The following VWA8 variants were observed in gnomAD, a reference collection of about 807,000 sequenced individuals.
VWA8 encodes the protein von Willebrand factor A domain-containing protein 8.
A neutral mutation model predicts 241.5 loss-of-function variants in VWA8; 221 were observed. The observed-to-expected ratio is 0.91, with a 90% CI of 0.82 to 1.02. VWA8 has a LOEUF of 1.02. Among genes scored for constraint, VWA8 ranks in the 50% least tolerant of loss-of-function variants. The pLI is 0.00. For synonymous variants in VWA8, 852 were observed against 827.1 expected (o/e 1.03, Z -0.52); for missense variants, 2,322 against 2,328.7 (o/e 1.00, Z 0.06).
chr13:41,642,326 G>A (rs989785035), intron 37 of VWA8, among the ~76,000 whole-genome samples: 1 of 152,150 alleles, frequency 6.6e-6, no homozygotes, highest in Non-Finnish European at 1.5e-5. Flanking sequence ...TTGGAATGCT[G>A]AGGCAGGCAG....
intron 21 of VWA8, among the ~76,000 whole-genome samples, chr13:41,755,599 A>G (rs2045689053): frequency 6.6e-6 from 1 of 151,958 alleles, no homozygotes; most frequent in Non-Finnish European, 1.5e-5. Context: ...AGCAGCATGC[A>G]ACTCTTTACA....
intron 36 of VWA8, among the ~76,000 whole-genome samples, chr13:41,672,066 A>C (rs891618766): frequency 6.6e-6 from 1 of 152,136 alleles, no homozygotes. Context: ...GGAAGAAAGG[A>C]ACCCTATACC....
At chr13:41,704,529 T>C (rs1052207962) in intron 26 of VWA8, among the ~76,000 whole-genome samples, 1 of 151,532 alleles carries the variant, frequency 6.6e-6, no homozygotes, top group Non-Finnish European at 1.5e-5. Flanking sequence ...AGTAGGGCAA[T>C]CACAGCTCAC....
At chr13:41,802,176 G>A (rs1204759911) in intron 17 of VWA8, among the ~76,000 whole-genome samples, 3 of 152,204 alleles carry the variant, frequency 2.0e-5, no homozygotes, top group African/African-American at 7.2e-5. Flanking sequence ...ATCCCCTAGT[G>A]GTGCTACATA....
At chr13:41,950,713 G>A (rs1182937167) in intron 1 of VWA8, among the ~76,000 whole-genome samples, 1 of 138,410 alleles carries the variant, frequency 7.2e-6, no homozygotes, top group East Asian at 2.2e-4. Context: ...CTGCCACCCA[G>A]GCTGGAGTGC....
chr13:41,700,621 C>A (rs1009973736), intron 28 of VWA8, among the ~76,000 whole-genome samples: 1 of 152,180 alleles, frequency 6.6e-6, no homozygotes, highest in Non-Finnish European at 1.5e-5. Flanking sequence ...GCATTAAATG[C>A]AGTTCAGTCT....
At chr13:41,814,760 A>G (rs1870616309) in intron 16 of VWA8, among the ~76,000 whole-genome samples, 2 of 152,188 alleles carry the variant, frequency 1.3e-5, no homozygotes, top group Admixed American at 6.5e-5. Flanking sequence ...TGTTCTCTGT[A>G]GTATTGCCAA....
chr13:41,930,405 A>G (rs566191606), intron 2 of VWA8, among the ~76,000 whole-genome samples: 1 of 152,350 alleles, frequency 6.6e-6, no homozygotes, highest in South Asian at 2.1e-4. Context: ...TCATAAAGAT[A>G]TCTGTACTCC....
chr13:41,956,158 G>A (rs1351291431), intron 1 of VWA8, among the ~76,000 whole-genome samples: 1 of 152,110 alleles, frequency 6.6e-6, no homozygotes, highest in Non-Finnish European at 1.5e-5. Flanking sequence ...TTGTTGTGAG[G>A]GGCTGTCCTG....
rs146370335 is a variant in VWA8, at chr13:41,614,499, T to G, written c.4720+477A>C. Among the ~76,000 whole-genome samples the G allele has an allele frequency of 6.0e-4, 92 of 152,280 alleles. No individual in the cohort carries two copies. In the East Asian group the frequency reaches 8.7e-3, roughly 14 times the overall value. On this transcript the variant is annotated intron_variant, in intron 38 of 44. Coordinates refer to ENST00000379310, the MANE Select transcript of VWA8 (RefSeq NM_015058.2). ...CGAAATCTTGCATCCTCAACGTACT[T>G]CGAAGATGTGGAAGACAAGGACCAT...
chr13:41,743,423 C>A (rs2045582837), intron 21 of VWA8, among the ~76,000 whole-genome samples: 1 of 152,182 alleles, frequency 6.6e-6, no homozygotes, highest in South Asian at 2.1e-4. Context: ...AGTCCTATTC[C>A]AAACTGTCAC....
At chr13:41,792,847 A>T (rs1156771912) in intron 17 of VWA8, among the ~76,000 whole-genome samples, 3 of 152,094 alleles carry the variant, frequency 2.0e-5, no homozygotes, top group African/African-American at 4.8e-5. Context: ...TGAAATTTTT[A>T]AAAATTATAT....
chr13:41,731,018 T>A (rs997458575), intron 22 of VWA8, among the ~76,000 whole-genome samples: 1 of 147,174 alleles, frequency 6.8e-6, no homozygotes, highest in Non-Finnish European at 1.5e-5. Context: ...ATAATAATAA[T>A]AAAAACATAA....
chr13:41,785,157 T>C (rs2137940098), intron 18 of VWA8, among the ~76,000 whole-genome samples: 1 of 152,198 alleles, frequency 6.6e-6, no homozygotes, highest in South Asian at 2.1e-4. Flanking sequence ...ATAGAAGCTA[T>C]CATTTATTAA....
At chr13:41,699,605 C>T (rs1394028754) in intron 28 of VWA8, among the ~76,000 whole-genome samples, 2 of 152,192 alleles carry the variant, frequency 1.3e-5, no homozygotes, top group East Asian at 3.9e-4. Flanking sequence ...GTGCTTAGTG[C>T]TACAGTGAAG....
At chr13:41,752,894 T>G (rs573798432) in intron 21 of VWA8, among the ~76,000 whole-genome samples, 81 of 152,148 alleles carry the variant, frequency 5.3e-4, no homozygotes, top group Non-Finnish European at 1.0e-3. Context: ...GGATTTGATC[T>G]CTAAAACCCA....
At chr13:41,702,710 C>T (rs1364508863) in intron 27 of VWA8, among the ~76,000 whole-genome samples, 5 of 152,220 alleles carry the variant, frequency 3.3e-5, no homozygotes, top group Non-Finnish European at 7.3e-5. Context: ...AAAATATTGA[C>T]TCTGTGGTCC....
At chr13:41,907,465 TAGAGA>T (rs1875774439) in intron 4 of VWA8, 116 bp downstream of exon 4, 1 of 767,424 alleles carries the variant, frequency 1.3e-6, no homozygotes. Flanking sequence ...TAAATCTGTC[TAGAGA>T]GAGCACAATA....
At chr13:41,865,619 TG>T (rs1873252377) in intron 12 of VWA8, 116 bp downstream of exon 12, 1 of 1,016,870 alleles carries the variant, frequency 9.8e-7, no homozygotes, top group South Asian at 1.6e-5. Flanking sequence ...ATTACTATTT[TG>T]GTTCTTTACC....
Sources: allele counts gnomAD v4.1 joint callset (sites outside exome capture counted in the v4.1 genomes callset), GRCh38; gene constraint gnomAD v4.1.1; transcripts MANE v1.5; gene names NCBI Gene and HGNC (gene_info 2026-07-23, HGNC 2026-07-21).